The following STPG2 variants were observed in gnomAD, a reference collection of about 807,000 sequenced individuals.
The protein encoded by STPG2 is sperm-tail PG-rich repeat-containing protein 2.
Under a neutral mutation model 54.2 loss-of-function variants are expected in STPG2, and 56 were observed. That is an observed-to-expected ratio of 1.03 (90% confidence interval 0.83 to 1.29). STPG2 has a LOEUF of 1.29. Ranked by LOEUF, STPG2 falls within the 50% of genes most tolerant of loss-of-function variation. The pLI is 0.00. For missense variants in STPG2, 596 were observed against 544.9 expected (o/e 1.09, Z -0.93); for synonymous variants, 200 against 181.8 (o/e 1.10, Z -0.81).
At chr4:97,459,413 C>A (rs932565947) in intron 4 of STPG2, among the ~76,000 whole-genome samples, 1 of 150,462 alleles carries the variant, frequency 6.6e-6, no homozygotes, top group African/African-American at 2.4e-5. Flanking sequence ...CAGTATCATG[C>A]AATTCAAAGG....
At chr4:97,682,119 G>A (rs369917358) in intron 10 of STPG2, among the ~76,000 whole-genome samples, 2 of 151,596 alleles carry the variant, frequency 1.3e-5, no homozygotes, top group East Asian at 1.9e-4. Flanking sequence ...AAAGCAGAAA[G>A]TTATATGCTA....
intron 6 of STPG2, among the ~76,000 whole-genome samples, chr4:97,976,852 C>A (rs544966424): frequency 6.6e-6 from 1 of 152,166 alleles, no homozygotes; most frequent in East Asian, 1.9e-4. Flanking sequence ...ATATACTAGA[C>A]CATCAGACTG....
intron 10 of STPG2, among the ~76,000 whole-genome samples, chr4:97,607,659 G>A (rs1733629252): frequency 6.6e-6 from 1 of 152,128 alleles, no homozygotes; most frequent in African/African-American, 2.4e-5. Context: ...GGCATGTACT[G>A]CCAGACCTTG....
At chr4:97,845,361 T>A (rs535756995) in intron 8 of STPG2, among the ~76,000 whole-genome samples, 1 of 152,254 alleles carries the variant, frequency 6.6e-6, no homozygotes, top group East Asian at 1.9e-4. Context: ...TTCTCATTTT[T>A]TCTTAGTAAG....
At chr4:97,756,965 C>G (rs1725749659) in intron 9 of STPG2, among the ~76,000 whole-genome samples, 2 of 152,092 alleles carry the variant, frequency 1.3e-5, no homozygotes, top group Non-Finnish European at 1.5e-5. Context: ...GAAAAATAAT[C>G]AAGGCAGCAA....
chr4:97,776,817 T>A (rs1038749930), intron 9 of STPG2, among the ~76,000 whole-genome samples: 1 of 152,128 alleles, frequency 6.6e-6, no homozygotes, highest in African/African-American at 2.4e-5. Context: ...AACTAGAAAA[T>A]GTTCTTTATT....
chr4:97,623,924 T>C (rs894435492), intron 10 of STPG2, among the ~76,000 whole-genome samples: 40 of 152,196 alleles, frequency 2.6e-4, no homozygotes, highest in African/African-American at 9.4e-4. Flanking sequence ...TTGCTGAGGA[T>C]AATGGCTTCC....
chr4:98,118,025 T>C (rs1247213194), intron 3 of STPG2, among the ~76,000 whole-genome samples: 1 of 152,164 alleles, frequency 6.6e-6, no homozygotes, highest in Non-Finnish European at 1.5e-5. Context: ...TTTTGTATGA[T>C]ATAATGTGAC....
chr4:97,808,352 T>C (rs1163226367), intron 9 of STPG2, among the ~76,000 whole-genome samples: 1 of 152,034 alleles, frequency 6.6e-6, no homozygotes, highest in Non-Finnish European at 1.5e-5. Context: ...TAAAATGTTA[T>C]AGTGTTCTGG....
At chr4:98,076,046 C>T (rs569765306) in intron 5 of STPG2, among the ~76,000 whole-genome samples, 3 of 152,094 alleles carry the variant, frequency 2.0e-5, no homozygotes, top group Admixed American at 2.0e-4. Flanking sequence ...AGATTGAGAC[C>T]ATCCTGGCTA....
downstream of STPG2, among the ~76,000 whole-genome samples, chr4:97,554,585 T>A (rs1732037064): frequency 6.6e-6 from 1 of 152,168 alleles, no homozygotes; most frequent in African/African-American, 2.4e-5. Flanking sequence ...TCTGTCTTAT[T>A]TTCTAATTCT....
chr4:97,989,955 A>AGGAGGT (rs1259400398), intron 5 of STPG2, among the ~76,000 whole-genome samples: 2 of 152,254 alleles, frequency 1.3e-5, no homozygotes, highest in African/African-American at 4.8e-5. Context: ...CTAAAACCAC[A>AGGAGGT]GGAGGTGAAG....
At chr4:97,536,590 T>C (rs1343822572) in intron 4 of STPG2, among the ~76,000 whole-genome samples, 1 of 152,180 alleles carries the variant, frequency 6.6e-6, no homozygotes. Context: ...GGCTAGTGCA[T>C]ACCAAGCAAG....
chr4:97,575,761 C>T (rs756105404), intron 10 of STPG2, among the ~76,000 whole-genome samples: 1 of 152,054 alleles, frequency 6.6e-6, no homozygotes, highest in African/African-American at 2.4e-5. Context: ...GAAGTCCTAG[C>T]CAGAGCAATC....
chr4:97,875,242 A>T (rs1289412170), intron 8 of STPG2, among the ~76,000 whole-genome samples: 15 of 151,954 alleles, frequency 9.9e-5, no homozygotes, highest in African/African-American at 3.1e-4. Flanking sequence ...TGGTAGGCGA[A>T]ATTTTAACTA....
chr4:97,997,334 AAGG>A (rs1458043656), intron 5 of STPG2, among the ~76,000 whole-genome samples: 7 of 152,198 alleles, frequency 4.6e-5, no homozygotes, highest in Admixed American at 3.3e-4. Context: ...ATCTGCTTTT[AAGG>A]AGGACTCTGG....
At chr4:97,526,329 A>AT (rs58900515) in intron 4 of STPG2, among the ~76,000 whole-genome samples, 43 of 151,370 alleles carry the variant, frequency 2.8e-4, no homozygotes, top group Admixed American at 5.9e-4. Context: ...ATATAAACAC[A>AT]TTTTTTTTTA....
At chr4:97,595,271 TA>T (rs764376400) in intron 10 of STPG2, among the ~76,000 whole-genome samples, 3 of 152,022 alleles carry the variant, frequency 2.0e-5, no homozygotes, top group African/African-American at 7.3e-5. Flanking sequence ...TATGCAGCCA[TA>T]AAAAAGGATG....
chr4:97,632,343 C>G (rs1296010129), intron 10 of STPG2, among the ~76,000 whole-genome samples: 1 of 150,066 alleles, frequency 6.7e-6, no homozygotes, highest in Non-Finnish European at 1.5e-5. Context: ...AAATAGATCA[C>G]AGCTATGTTT....
Sources: gnomAD v4.1 joint callset for allele counts (sites outside exome capture counted in the v4.1 genomes callset) on GRCh38, gnomAD v4.1.1 for gene constraint, MANE v1.5 for transcripts, NCBI Gene and HGNC (gene_info 2026-07-23, HGNC 2026-07-21) for gene names.